MANBA: variants seen among roughly 807,000 people sequenced by gnomAD.
MANBA encodes the protein beta-mannosidase.
Under a neutral mutation model 111.1 loss-of-function variants are expected in MANBA, and 83 were observed. The observed-to-expected ratio is 0.75, with a 90% CI of 0.63 to 0.90. The LOEUF (loss-of-function observed/expected upper bound fraction) is 0.90. Among genes scored for constraint, MANBA ranks in the 40% least tolerant of loss-of-function variants. MANBA has a pLI of 0.00. For missense variants in MANBA, 1,036 were observed against 1,069.0 expected, an observed-to-expected ratio of 0.97 and a Z score of 0.43; for synonymous variants, 370 against 378.7, an observed-to-expected ratio of 0.98 and a Z score of 0.27.
chr4:102,692,815 T>C (rs948636732), intron 5 of MANBA, among the ~76,000 whole-genome samples: 6 of 151,972 alleles, frequency 3.9e-5, no homozygotes, highest in African/African-American at 1.5e-4. Context: ...TTAGAGACCT[T>C]TCTCCTACAA....
At chr4:102,710,936 CTT>C (rs1722039059) in intron 5 of MANBA, among the ~76,000 whole-genome samples, 1 of 152,106 alleles carries the variant, frequency 6.6e-6, no homozygotes, top group Admixed American at 6.5e-5. Flanking sequence ...AAACTGGACT[CTT>C]ATCTCTCACC....
chr4:102,685,855 C>T (rs1176425180), intron 7 of MANBA, among the ~76,000 whole-genome samples: 1 of 152,166 alleles, frequency 6.6e-6, no homozygotes, highest in Non-Finnish European at 1.5e-5. Flanking sequence ...CCAGTTCGTA[C>T]ATAGTCTCTT....
At chr4:102,708,956 G>A (rs1045572481) in intron 5 of MANBA, among the ~76,000 whole-genome samples, 2 of 151,786 alleles carry the variant, frequency 1.3e-5, no homozygotes, top group African/African-American at 2.4e-5. Context: ...ACGACTATAC[G>A]CTAACAAACT....
chr4:102,698,923 A>G (rs1005948613), intron 5 of MANBA, among the ~76,000 whole-genome samples: 1 of 152,216 alleles, frequency 6.6e-6, no homozygotes, highest in Non-Finnish European at 1.5e-5. Context: ...TGGGGATGGC[A>G]TTGAATCTAT....
In MANBA at chr4:102,722,875, C is replaced by A. The variant is rs759103361; in HGVS notation, c.545G>T (p.Arg182Leu). ...ACCTGTTTGAGAGACCATTACCTTC[C>A]GAACAAAGTTGACATGGCATTCACC... ...QKGECHVNFV[R>L]KEQCSFSWDW... The change falls in exon 4 of 17, where the codon CGG (arginine) becomes CTG (leucine). Residue 182 changes from arginine (R) to leucine (L), a missense_variant. Physicochemically the swap from Arg to Leu is moderately radical, Grantham distance 102 (BLOSUM62 -2). Transcript: ENST00000647097. 6.2e-7 allele frequency: 1 copy of A among 1,613,920 alleles called. No individual in the cohort carries two copies. Among genetic ancestry groups the A allele is most frequent in the African/African-American group, 1.3e-5 (1 of 74,910 alleles).
intron 5 of MANBA, among the ~76,000 whole-genome samples, chr4:102,703,814 C>T (rs192874438): frequency 2.0e-3 from 308 of 152,254 alleles, no homozygotes; most frequent in African/African-American, 6.9e-3. Flanking sequence ...ACTCTGATCC[C>T]ACCCAGCATG....
At chr4:102,709,709 G>T (rs762504109) in intron 5 of MANBA, among the ~76,000 whole-genome samples, 2 of 151,778 alleles carry the variant, frequency 1.3e-5, no homozygotes, top group Non-Finnish European at 3.0e-5. Flanking sequence ...TAAAAGGAAA[G>T]AAAAGAAAAC....
chr4:102,756,174 T>C (rs993016098), intron 1 of MANBA, among the ~76,000 whole-genome samples: 3 of 152,194 alleles, frequency 2.0e-5, no homozygotes, highest in African/African-American at 4.8e-5. Flanking sequence ...CACATGCACA[T>C]GTATGTTTAC....
At position 102,760,929 on chromosome 4, in the gene MANBA, C is replaced by A; in HGVS notation, c.-35G>T. ...CCGCGCCACCGAGATGTGGAGAGAT[C>A]GAAAGGCAGCGCTGCAAGGGACCGG... On this transcript the variant is annotated 5_prime_UTR_variant, in exon 1 of 17. Coordinates refer to ENST00000647097, the MANE Select transcript of MANBA (RefSeq NM_005908.4). 2 of 1,537,592 alleles carry A rather than the reference C, an allele frequency of 1.3e-6. No homozygotes were observed. The highest frequency in any genetic ancestry group is 8.7e-7 in the Non-Finnish European group (1 of 1,145,006).
chr4:102,714,809 C>G (rs1722251710), intron 4 of MANBA, among the ~76,000 whole-genome samples: 1 of 152,220 alleles, frequency 6.6e-6, no homozygotes, highest in Non-Finnish European at 1.5e-5. Flanking sequence ...TGTGTCCTCA[C>G]ATGGTCTTTT....
In MANBA at chr4:102,675,609, A is replaced by G. The variant is rs898412027; in HGVS notation, c.961-1539T>C. ...GGTACTACTTATTCCTTTGTTTCAC[A>G]GCAATATTTTTAAGTTTTCAAATAA... is the stretch of plus-strand genomic sequence containing the variant. On this transcript the variant is annotated intron_variant, in intron 7 of 16. Coordinates refer to ENST00000647097, the MANE Select transcript of MANBA (RefSeq NM_005908.4). Among the ~76,000 whole-genome samples the G allele has an allele frequency of 2.9e-4, 44 of 152,236 alleles. 1 individual carries two copies. Among genetic ancestry groups the G allele is most frequent in the Non-Finnish European group, 1.5e-5 (1 of 68,038 alleles).
At chr4:102,741,410 C>T (rs1472551977) in intron 1 of MANBA, among the ~76,000 whole-genome samples, 1 of 152,148 alleles carries the variant, frequency 6.6e-6, no homozygotes. Flanking sequence ...CGTAGAACTA[C>T]CATTGATCCA....
intron 13 of MANBA, among the ~76,000 whole-genome samples, chr4:102,647,766 A>G (rs1730165148): frequency 6.6e-6 from 1 of 152,106 alleles, no homozygotes; most frequent in Non-Finnish European, 1.5e-5. Flanking sequence ...TTATGATTGA[A>G]ACATTAAAAT....
chr4:102,642,536 G>GT lies in MANBA; in HGVS notation c.1870-2680_1870-2679insA, dbSNP rs1443891608. ...GCAGGAGAATGGCTTGAACTTGGGAGGCAGAGGTTGCAGTGAGCCGAGATC... is the reference window on the plus strand; with the variant it reads ...GCAGGAGAATGGCTTGAACTTGGGAGTGCAGAGGTTGCAGTGAGCCGAGATC... On this transcript the variant is annotated intron_variant, in intron 13 of 16. Transcript: ENST00000647097. Among the ~76,000 whole-genome samples, 135 of 152,274 alleles carry GT rather than the reference G, an allele frequency of 8.9e-4. 1 individual carries two copies. The East Asian group carries it at 0.014, about 15-fold the overall frequency.
At chr4:102,637,086 C>A (rs1161142918) in intron 14 of MANBA, among the ~76,000 whole-genome samples, 1 of 152,184 alleles carries the variant, frequency 6.6e-6, no homozygotes, top group Non-Finnish European at 1.5e-5. Flanking sequence ...TTTGCTCTTC[C>A]TTCGTCTTCT....
intron 9 of MANBA, among the ~76,000 whole-genome samples, chr4:102,669,776 C>G (rs777309312): frequency 5.3e-5 from 8 of 152,078 alleles, no homozygotes; most frequent in Admixed American, 4.6e-4. Flanking sequence ...GTCAGGAGAT[C>G]GAGACCATCC....
At position 102,632,326 on chromosome 4, in the gene MANBA, G is replaced by A. The variant is rs1478000006; in HGVS notation, c.2416-45C>T. On this transcript the variant is annotated intron_variant, in intron 16 of 16. Transcript: ENST00000647097. ...ATGAATGAAGTGAAGGATGAGGGAA[G>A]AGTTATATAGTCTGTATACAGTTCC... 3.5e-5 allele frequency: 43 copies of A among 1,236,306 alleles called. No homozygotes were observed. In the Admixed American group the frequency reaches 7.1e-4, roughly 21 times the overall value. 76.6% of individuals were successfully genotyped at this position (1,236,306 alleles called of 1,614,324 possible).
Position 102,689,568 on chromosome 4 carries a change from A to C in MANBA, c.960+6T>G. On this transcript the variant is annotated splice_donor_region_variant and intron_variant, in intron 7 of 16. Transcript: ENST00000647097. ...TTTCACAAAATATTTTAAATTACTT[A>C]CTTACCTTAGCTGATTTTTCAATAT... 2 of 1,479,166 alleles carry C rather than the reference A, an allele frequency of 1.4e-6. No individual in the cohort carries two copies. Among genetic ancestry groups the C allele is most frequent in the Non-Finnish European group, 1.9e-6 (2 of 1,061,518 alleles). The allele number at this position is 1,479,166 out of a possible 1,614,324, so 91.6% of individuals were successfully genotyped here. A position where few individuals can be genotyped will look rare whatever the true frequency, so the allele number is the denominator to read the frequency against.
chr4:102,639,650 CT>C, intron 14 of MANBA, 62 bp downstream of exon 14: 1 of 1,604,898 alleles, frequency 6.2e-7, no homozygotes, highest in Non-Finnish European at 8.5e-7. Flanking sequence ...ACTGTGCTTT[CT>C]CAGTCCCTCT....
Sources: gnomAD v4.1 joint callset for allele counts (sites outside exome capture counted in the v4.1 genomes callset) on GRCh38, gnomAD v4.1.1 for gene constraint, MANE v1.5 for transcripts, NCBI Gene and HGNC (gene_info 2026-07-23, HGNC 2026-07-21) for gene names.